ZNF385D: variants seen among roughly 807,000 people sequenced by gnomAD.
ZNF385D encodes the protein zinc finger protein 659.
In ZNF385D, 15 loss-of-function variants were observed where a neutral mutation model predicts 35.8. That is an observed-to-expected ratio of 0.42 (90% CI 0.28 to 0.64). The LOEUF (loss-of-function observed/expected upper bound fraction) is 0.64, where lower values mean the gene tolerates loss of function less well. Among genes scored for constraint, ZNF385D ranks in the 30% least tolerant of loss-of-function variants. The pLI, the probability that ZNF385D is intolerant of heterozygous loss-of-function variation, is 0.23. For missense variants in ZNF385D, 474 were observed against 494.6 expected, an observed-to-expected ratio of 0.96 and a Z score of 0.39; for synonymous variants, 212 against 186.8, an observed-to-expected ratio of 1.13 and a Z score of -1.10.
intron 2 of ZNF385D, among the ~76,000 whole-genome samples, chr3:22,316,082 AC>A (rs1300322051): frequency 6.6e-6 from 1 of 152,010 alleles, no homozygotes; most frequent in African/African-American, 2.4e-5. Context: ...CACTGACCCC[AC>A]CCTGCATCTG....
intron 3 of ZNF385D, chr3:22,133,702 T>A (rs1703938529): frequency 6.6e-6 from 1 of 151,996 alleles, no homozygotes; most frequent in African/African-American, 2.4e-5. Context: ...CAGAAGACTC[T>A]GAAAAATTCA....
At chr3:22,305,741 G>A (rs1412730164) in intron 2 of ZNF385D, among the ~76,000 whole-genome samples, 2 of 152,122 alleles carry the variant, frequency 1.3e-5, no homozygotes, top group African/African-American at 2.4e-5. Flanking sequence ...TTTCTACCAT[G>A]TGCTCAGTAA....
intron 2 of ZNF385D, among the ~76,000 whole-genome samples, chr3:22,348,055 C>T (rs1695739073): frequency 6.6e-6 from 1 of 152,078 alleles, no homozygotes; most frequent in Non-Finnish European, 1.5e-5. Flanking sequence ...AAGGTCTACG[C>T]TTAGAATATA....
chr3:21,433,452 C>G (rs74584681), intron 5 of ZNF385D, among the ~76,000 whole-genome samples: 1 of 152,148 alleles, frequency 6.6e-6, no homozygotes, highest in Non-Finnish European at 1.5e-5. Context: ...TGCTTCAGAT[C>G]AGAATTGGCC....
intron 2 of ZNF385D, among the ~76,000 whole-genome samples, chr3:22,197,676 G>C (rs1013397813): frequency 1.3e-5 from 2 of 152,084 alleles, no homozygotes; most frequent in Admixed American, 1.3e-4. Context: ...TTTCACTCCT[G>C]TTGTATGAGT....
intron 5 of ZNF385D, among the ~76,000 whole-genome samples, chr3:21,428,208 T>C (rs1701111394): frequency 1.3e-5 from 2 of 152,092 alleles, no homozygotes; most frequent in African/African-American, 4.8e-5. Context: ...AATATAAACA[T>C]AATTAGTATT....
chr3:21,801,513 A>G (rs762981949), intron 3 of ZNF385D, among the ~76,000 whole-genome samples: 7 of 152,062 alleles, frequency 4.6e-5, no homozygotes, highest in Non-Finnish European at 7.4e-5. Context: ...TTATCTATCT[A>G]TTTTTAATTG....
chr3:21,609,232 G>C (rs1216721861), intron 2 of ZNF385D, among the ~76,000 whole-genome samples: 1 of 152,154 alleles, frequency 6.6e-6, no homozygotes, highest in Non-Finnish European at 1.5e-5. Context: ...CACCACATCA[G>C]TCTCATTAAC....
At chr3:21,548,793 CT>C (rs1157850016) in intron 3 of ZNF385D, among the ~76,000 whole-genome samples, 2 of 152,186 alleles carry the variant, frequency 1.3e-5, no homozygotes, top group Non-Finnish European at 2.9e-5. Flanking sequence ...GGCATGTCCC[CT>C]GATATCATAC....
At chr3:21,559,154 T>C (rs908995992) in intron 3 of ZNF385D, among the ~76,000 whole-genome samples, 1 of 152,176 alleles carries the variant, frequency 6.6e-6, no homozygotes, top group African/African-American at 2.4e-5. Context: ...TTGGGGCATC[T>C]AGTCCTTTTA....
intron 3 of ZNF385D, among the ~76,000 whole-genome samples, chr3:21,922,044 A>C (rs1700490041): frequency 6.6e-6 from 1 of 152,166 alleles, no homozygotes; most frequent in Admixed American, 6.5e-5. Context: ...ACACAACGAG[A>C]AAAGAAAATG....
chr3:21,485,670 A>G (rs189530152), intron 4 of ZNF385D, among the ~76,000 whole-genome samples: 1 of 152,160 alleles, frequency 6.6e-6, no homozygotes, highest in Admixed American at 6.6e-5. Flanking sequence ...TCTAATTCAC[A>G]TTAATAATAA....
intron 3 of ZNF385D, among the ~76,000 whole-genome samples, chr3:22,098,403 T>G (rs1701747853): frequency 6.6e-6 from 1 of 152,052 alleles, no homozygotes; most frequent in African/African-American, 2.4e-5. Context: ...CAATTTAGTG[T>G]TTAGGAAAAG....
chr3:22,000,374 T>A (rs190019762), intron 3 of ZNF385D, among the ~76,000 whole-genome samples: 1 of 152,100 alleles, frequency 6.6e-6, no homozygotes, highest in Non-Finnish European at 1.5e-5. Flanking sequence ...TCATCCTCAC[T>A]GCTACACTCC....
At chr3:22,291,634 T>G (rs957967585) in intron 2 of ZNF385D, among the ~76,000 whole-genome samples, 1 of 152,060 alleles carries the variant, frequency 6.6e-6, no homozygotes, top group Non-Finnish European at 1.5e-5. Context: ...ATAATTTTAT[T>G]GTTTTACTGT....
In ZNF385D at chr3:21,685,245, G is replaced by A. The variant is rs144165253; in HGVS notation, c.23-20217C>T. Among the ~76,000 whole-genome samples, 433 of 152,280 alleles carry A rather than the reference G, an allele frequency of 2.8e-3. 3 individuals are homozygous for A. Among genetic ancestry groups the A allele is most frequent in the African/African-American group, 9.8e-3 (406 of 41,554 alleles). ...AGATTTGCTTTAATATTCAAGAAATGCAAGAGGAGTGTCTCTGAAGATTTT... is the reference window on the plus strand; with the variant it reads ...AGATTTGCTTTAATATTCAAGAAATACAAGAGGAGTGTCTCTGAAGATTTT... On this transcript the variant is annotated intron_variant, in intron 1 of 7. Transcript: ENST00000281523.
intron 2 of ZNF385D, among the ~76,000 whole-genome samples, chr3:22,360,750 T>G (rs1442646087): frequency 1.3e-5 from 2 of 152,048 alleles, no homozygotes; most frequent in Non-Finnish European, 2.9e-5. Context: ...ATGCTTTAAC[T>G]GTTAGAAACC....
intron 3 of ZNF385D, among the ~76,000 whole-genome samples, chr3:22,079,908 GTATGTATATGTGTGTACATATATACA>G (rs1700660789): frequency 6.6e-6 from 1 of 151,926 alleles, no homozygotes; most frequent in Non-Finnish European, 1.5e-5. Context: ...GTGTGTGTAT[GTATGTATATGTGTGTACATATATACA>G]TATGTATATA....
In ZNF385D at chr3:21,834,908, G is replaced by A. The variant is rs544663647; in HGVS notation, c.326-169880C>T. ...CCTTCACCTTCCACCATGATAGTAA[G>A]TTTCCTGAAGCTTTCCCAGTCATGT... On this transcript the variant is annotated intron_variant, in intron 3 of 5. Transcript: ENST00000494108. 1.4e-4 allele frequency among the ~76,000 whole-genome samples: 22 copies of A among 152,246 alleles called. No homozygotes were observed. In the South Asian group the frequency reaches 2.7e-3, roughly 19 times the overall value.
Sources: gnomAD v4.1 joint callset for allele counts (sites outside exome capture counted in the v4.1 genomes callset) on GRCh38, gnomAD v4.1.1 for gene constraint, MANE v1.5 for transcripts, NCBI Gene and HGNC (gene_info 2026-07-23, HGNC 2026-07-21) for gene names.